DDX60: variants seen among roughly 807,000 people sequenced by gnomAD.
The protein encoded by DDX60 is probable ATP-dependent RNA helicase DDX60.
A neutral mutation model predicts 212.8 loss-of-function variants in DDX60; 165 were observed. The observed-to-expected ratio is 0.78, with a 90% CI of 0.68 to 0.88. The LOEUF (loss-of-function observed/expected upper bound fraction) is 0.88, where lower values mean the gene tolerates loss of function less well. DDX60 is among the 40% of genes least tolerant of loss of function. DDX60 has a pLI of 0.00. For synonymous variants in DDX60, 703 were observed against 685.3 expected (o/e 1.03, Z -0.40); for missense variants, 1,905 against 2,003.9 (o/e 0.95, Z 0.94).
upstream of DDX60, among the ~76,000 whole-genome samples, chr4:168,319,794 T>C (rs1560890495): frequency 6.6e-6 from 1 of 152,278 alleles, no homozygotes; most frequent in East Asian, 1.9e-4. Context: ...AGCCACAGGC[T>C]GCTTTGTCTA....
At chr4:168,261,911 A>T (rs1355058886) in intron 24 of DDX60, 89 bp downstream of exon 24, 12 of 1,380,526 alleles carry the variant, frequency 8.7e-6, no homozygotes, top group Admixed American at 2.9e-5. Flanking sequence ...ATTGAGGATT[A>T]AAAAAAATCA....
intron 5 of DDX60, among the ~76,000 whole-genome samples, chr4:168,305,015 C>A (rs1055620418): frequency 1.3e-5 from 2 of 152,132 alleles, no homozygotes; most frequent in Non-Finnish European, 2.9e-5. Flanking sequence ...ACAAGTGTAT[C>A]ATTTTTAATC....
chr4:168,250,618 C>T (rs545039568), intron 28 of DDX60, among the ~76,000 whole-genome samples: 4 of 151,534 alleles, frequency 2.6e-5, no homozygotes, highest in South Asian at 4.2e-4. Context: ...CTCCACCTCC[C>T]GGGTTCAAGC....
At chr4:168,293,589 C>T (rs1046950685) in intron 7 of DDX60, among the ~76,000 whole-genome samples, 198 bp downstream of exon 7, 1 of 152,138 alleles carries the variant, frequency 6.6e-6, no homozygotes, top group Non-Finnish European at 1.5e-5. Flanking sequence ...GTGAAACATG[C>T]ACATAGTAAA....
In DDX60 at chr4:168,317,419, GAA is replaced by G. The variant is rs1209703998; in HGVS notation, c.-107+1201_-107+1202del. 5.3e-5 allele frequency among the ~76,000 whole-genome samples: 8 copies of G among 151,916 alleles called. No individual in the cohort carries two copies. The East Asian group carries it at 1.5e-3, about 29-fold the overall frequency. ...AAAGAAGAAGGGAGGAAGAGAAATGGAAAAGAGAAAAAAGGAGGGAAGAGGAA... is the reference window on the plus strand; with the variant it reads ...AAAGAAGAAGGGAGGAAGAGAAATGGAAGAGAAAAAAGGAGGGAAGAGGAA... On this transcript the variant is annotated intron_variant, in intron 1 of 37. Coordinates refer to ENST00000393743, the MANE Select transcript of DDX60 (RefSeq NM_017631.6).
intron 16 of DDX60, among the ~76,000 whole-genome samples, chr4:168,274,394 A>G (rs971370268): frequency 2.0e-5 from 3 of 152,224 alleles, no homozygotes; most frequent in African/African-American, 4.8e-5. Flanking sequence ...GACAATATGT[A>G]TATTACTGAT....
chr4:168,244,278 A>G (rs1448764099), intron 30 of DDX60, among the ~76,000 whole-genome samples: 2 of 152,240 alleles, frequency 1.3e-5, no homozygotes, highest in African/African-American at 4.8e-5. Context: ...AGATGGAAAA[A>G]AAGAAAAAAT....
chr4:168,248,370 G>C, intron 28 of DDX60, 78 bp from the exon 29 acceptor site: 1 of 1,101,934 alleles, frequency 9.1e-7, no homozygotes, highest in Non-Finnish European at 1.3e-6. Flanking sequence ...TAAAGTTGCT[G>C]AAAAACTCTT....
intron 1 of DDX60, among the ~76,000 whole-genome samples, chr4:168,314,943 T>G (rs1314897916): frequency 6.6e-6 from 1 of 152,100 alleles, no homozygotes; most frequent in African/African-American, 2.4e-5. Context: ...TTGTTAAAAT[T>G]GCAGAGCTCC....
chr4:168,233,999 A>C (rs1474021425), intron 33 of DDX60, among the ~76,000 whole-genome samples: 1 of 152,088 alleles, frequency 6.6e-6, no homozygotes, highest in Non-Finnish European at 1.5e-5. Context: ...CAATGATTGC[A>C]TGTATTTGCC....
intron 8 of DDX60, among the ~76,000 whole-genome samples, chr4:168,290,869 A>G (rs1579058735): frequency 6.6e-6 from 1 of 152,320 alleles, no homozygotes; most frequent in East Asian, 1.9e-4. Context: ...ACCACAATGT[A>G]CTAAATGTTT....
chr4:168,291,677 T>A (rs567107278), intron 8 of DDX60, 71 bp downstream of exon 8: 1 of 1,402,384 alleles, frequency 7.1e-7, no homozygotes, highest in East Asian at 2.5e-5. Context: ...TAAGAGAATT[T>A]TGAAAGTTAT....
chr4:168,286,299 A>G (rs1735845451), intron 10 of DDX60, among the ~76,000 whole-genome samples: 1 of 151,792 alleles, frequency 6.6e-6, no homozygotes, highest in Non-Finnish European at 1.5e-5. Flanking sequence ...TTTCATGAAA[A>G]TGAAATAAAA....
upstream of DDX60, among the ~76,000 whole-genome samples, chr4:168,320,420 A>C (rs916707749): frequency 2.0e-5 from 3 of 152,158 alleles, no homozygotes; most frequent in Non-Finnish European, 4.4e-5. Context: ...CCACGGGCCA[A>C]GGAGTCTGGT....
intron 22 of DDX60, among the ~76,000 whole-genome samples, chr4:168,264,056 G>A (rs958769): frequency 0.34 from 52,276 of 151,732 alleles, 9,261 homozygotes; most frequent in African/African-American, 0.43. Flanking sequence ...TTCAAATTTC[G>A]GGGCTAAAAA....
intron 33 of DDX60, among the ~76,000 whole-genome samples, chr4:168,227,248 T>A (rs1733290656): frequency 1.3e-5 from 2 of 151,644 alleles, no homozygotes; most frequent in African/African-American, 4.8e-5. Context: ...ATTTCTTTAC[T>A]AGATATCAGA....
At chr4:168,308,696 T>C (rs1392447970) in intron 3 of DDX60, among the ~76,000 whole-genome samples, 1 of 148,316 alleles carries the variant, frequency 6.7e-6, no homozygotes, top group Admixed American at 6.8e-5. Context: ...TATATAGATA[T>C]ATATTATATA....
intron 35 of DDX60, among the ~76,000 whole-genome samples, chr4:168,223,172 C>A (rs543289649): frequency 6.6e-6 from 1 of 151,862 alleles, no homozygotes; most frequent in African/African-American, 2.4e-5. Context: ...GAAAATGAAA[C>A]GTGGGAGGAG....
intron 13 of DDX60, 91 bp downstream of exon 13, chr4:168,283,355 T>A: frequency 9.2e-7 from 1 of 1,091,158 alleles, no homozygotes. Context: ...AAAGGCATTA[T>A]ATAAAAAGAA....
Sources: gnomAD v4.1 joint callset for allele counts (sites outside exome capture counted in the v4.1 genomes callset) on GRCh38, gnomAD v4.1.1 for gene constraint, MANE v1.5 for transcripts, NCBI Gene and HGNC (gene_info 2026-07-23, HGNC 2026-07-21) for gene names.